PSME4: variants seen among roughly 807,000 people sequenced by gnomAD.
PSME4 encodes the protein proteasome activator subunit 4.
A neutral mutation model predicts 253.9 loss-of-function variants in PSME4; 89 were observed. The observed-to-expected ratio is 0.35, with a 90% CI of 0.30 to 0.42. The LOEUF is 0.42. Among genes scored for constraint, PSME4 ranks in the 10% least tolerant of loss-of-function variants. The pLI is 1.00. For missense variants in PSME4, 2,014 were observed against 2,195.2 expected, an observed-to-expected ratio of 0.92 and a Z score of 1.65; for synonymous variants, 851 against 759.2, an observed-to-expected ratio of 1.12 and a Z score of -1.99.
intron 1 of PSME4, among the ~76,000 whole-genome samples, chr2:53,965,250 T>G (rs1342480634): frequency 6.6e-6 from 1 of 150,474 alleles, no homozygotes; most frequent in Non-Finnish European, 1.5e-5. Flanking sequence ...CAAGTGATTT[T>G]TTTTTTTTTT....
intron 42 of PSME4, 142 bp from the exon 43 acceptor site, chr2:53,874,636 G>C (rs970144136): frequency 1.1e-5 from 10 of 881,462 alleles, no homozygotes; most frequent in Admixed American, 5.8e-5. Context: ...CTCATATTTC[G>C]TTATAAATAA....
chr2:53,869,662 G>A, intron 43 of PSME4, 124 bp from the exon 44 acceptor site: 1 of 687,892 alleles, frequency 1.5e-6, no homozygotes, highest in Non-Finnish European at 2.2e-6. Flanking sequence ...TTTTGTGTAT[G>A]CTCTTTGGCA....
intron 26 of PSME4, among the ~76,000 whole-genome samples, chr2:53,905,294 T>C (rs1680603565): frequency 6.6e-6 from 1 of 151,954 alleles, no homozygotes; most frequent in Non-Finnish European, 1.5e-5. Context: ...CCACCCACAG[T>C]GTTGGGATTA....
chr2:53,868,583 A>AT lies in PSME4; in HGVS notation c.5263+792dup, dbSNP rs1248344732. ...ATATATAATATATATTATAAAATAT[A>AT]TTTATAATATATATATAATATATAT... On this transcript the variant is annotated intron_variant, in intron 44 of 46. Coordinates refer to ENST00000404125, the MANE Select transcript of PSME4 (RefSeq NM_014614.3). Among the ~76,000 whole-genome samples the AT allele has an allele frequency of 2.6e-3, 347 of 134,118 alleles. 4 individuals are homozygous for AT. Among genetic ancestry groups the AT allele is most frequent in the East Asian group, 0.015 (75 of 4,920 alleles). The allele number at this position is 134,118 out of a possible 152,430, so 88.0% of individuals were successfully genotyped here.
chr2:53,927,355 G>A (rs1462448152), intron 12 of PSME4, 39 bp downstream of exon 12: 2 of 1,368,230 alleles, frequency 1.5e-6, no homozygotes, highest in South Asian at 2.4e-5. Flanking sequence ...ATAATAATTA[G>A]AACATCTTAG....
chr2:53,970,226 C>T (rs1670991105), intron 1 of PSME4, among the ~76,000 whole-genome samples: 1 of 152,194 alleles, frequency 6.6e-6, no homozygotes, highest in African/African-American at 2.4e-5. Context: ...AAAGGCTCAC[C>T]TCTCTCCCTC....
chr2:53,922,687 C>T (rs1668380762), intron 16 of PSME4, 103 bp from the exon 17 acceptor site: 1 of 1,344,118 alleles, frequency 7.4e-7, no homozygotes, highest in Non-Finnish European at 1.0e-6. Flanking sequence ...TGAGGAAAAC[C>T]TCTTTTAGGA....
intron 41 of PSME4, among the ~76,000 whole-genome samples, chr2:53,878,681 C>T (rs534082886): frequency 6.6e-6 from 1 of 152,272 alleles, no homozygotes; most frequent in Admixed American, 6.5e-5. Context: ...GGAAATAAGC[C>T]CCGGTCTCCC....
At position 53,874,395 on chromosome 2, in the gene PSME4, C is replaced by A; in HGVS notation, c.5044G>T (p.Ala1682Ser). ...ACCAGCCACCTGATATCTTTAACTG[C>A]ATCTTCATTGTTTAGGAAAATAAAG... ...NLFIFLNNED[A>S]VKDIRWLVIS... Residue 1682 changes from alanine to serine, a missense_variant, in exon 43 of 47, where the codon GCA (alanine) becomes TCA (serine). Ala to Ser is a moderately conservative substitution (Grantham distance 99, BLOSUM62 1). Coordinates refer to ENST00000404125, the MANE Select transcript of PSME4 (RefSeq NM_014614.3). The A allele has an allele frequency of 1.2e-6, 2 of 1,614,054 alleles. No homozygotes were observed. The highest frequency in any genetic ancestry group is 1.1e-5 in the South Asian group (1 of 91,080).
At position 53,866,094 on chromosome 2, in the gene PSME4, C is replaced by T. The variant is rs763574556; in HGVS notation, c.5527G>A (p.Ala1843Thr). ...AACTTTGCTGACTTACCTTTCTATG[C>T]ATAATAGCATGGTGACACAAGAAGA... ...TDLLVSPCYY[A>T] Residue 1843 changes from alanine to threonine, a missense_variant, in exon 46 of 47, where the codon GCA becomes ACA. Physicochemically the swap from Ala to Thr is moderately conservative, Grantham distance 58. This residue lies in a region of PSME4 where 403 missense variants were observed against 556.1 expected (regional missense o/e 0.72). Transcript: ENST00000404125. 1.2e-6 allele frequency: 2 copies of T among 1,611,716 alleles called. No homozygotes were observed. The highest frequency in any genetic ancestry group is 3.3e-5 in the Admixed American group (2 of 59,918).
intron 36 of PSME4, among the ~76,000 whole-genome samples, chr2:53,890,456 G>A (rs538158405): frequency 2.0e-5 from 3 of 152,204 alleles, no homozygotes; most frequent in South Asian, 2.1e-4. Context: ...ATAGGTGTGT[G>A]CCACTATGCC....
rs756684504 is a variant in PSME4, at chr2:53,869,507, C to G, written c.5132G>C (p.Gly1711Ala). The G allele has an allele frequency of 1.3e-6, 2 of 1,559,088 alleles. No individual in the cohort carries two copies. The highest frequency in any genetic ancestry group is 8.8e-7 in the Non-Finnish European group (1 of 1,141,622). The change falls in exon 44 of 47, where the codon GGT (glycine) becomes GCT (alanine). Residue 1711 changes from glycine (G) to alanine (A), a missense_variant. Gly to Ala is a moderately conservative substitution (Grantham distance 60). Around this residue, in one of 4 missense-constraint regions of PSME4, gnomAD observed 403 missense variants for 556.1 expected, o/e 0.72. Coordinates refer to ENST00000404125, the MANE Select transcript of PSME4 (RefSeq NM_014614.3). ...VREMAATTLSGLLQCNFLTMD... is the reference protein window; with the variant it reads ...VREMAATTLSALLQCNFLTMD... ...GGTAAGAAAGTTACACTGTAGCAGA[C>G]CGCTTAAGGTAGTAGCAGCCATTTC...
In PSME4 at chr2:53,906,708, G is replaced by A. The variant is rs186074282; in HGVS notation, c.2848-15C>T. ...AGTGTCCGTAGCTAAGAAAACAATC[G>A]CAAACATTTACTAAAATTTGATTAT... is the stretch of plus-strand genomic sequence containing the variant. On this transcript the variant is annotated splice_polypyrimidine_tract_variant and intron_variant, in intron 25 of 46. Coordinates refer to ENST00000404125, the MANE Select transcript of PSME4 (RefSeq NM_014614.3). The A allele has an allele frequency of 3.6e-5, 58 of 1,593,076 alleles. No homozygotes were observed. In the East Asian group the frequency reaches 7.2e-4, roughly 20 times the overall value.
chr2:53,874,239 T>C, intron 43 of PSME4, 100 bp downstream of exon 43: 2 of 1,215,900 alleles, frequency 1.6e-6, no homozygotes, highest in Non-Finnish European at 2.3e-6. Flanking sequence ...AGGTTATAAA[T>C]ATAAACAATT....
chr2:53,936,077 T>C lies in PSME4; in HGVS notation c.834+10A>G, dbSNP rs1489275016. 3.7e-6 allele frequency: 6 copies of C among 1,609,106 alleles called. No individual in the cohort carries two copies. In the Admixed American group the frequency reaches 5.1e-5, roughly 14 times the overall value. ...TGCCTGATAATTTTTTTCCCCAAAA[T>C]GTTAATTACCTTTGGTACATATGGA... On this transcript the variant is annotated intron_variant, in intron 7 of 46. Coordinates refer to ENST00000404125, the MANE Select transcript of PSME4 (RefSeq NM_014614.3).
rs766194608 is a variant in PSME4, at chr2:53,921,071, A to G, written c.2080T>C (p.Tyr694His). ...AGAATCTTTACAAGCTGCTCCCTAT[A>G]AAGAAGCAACTTCCTTCCATCCACT... ...TRVDGRKLLL[Y>H]REQLVKILQR... The change falls in exon 18 of 47, where the codon TAT (tyrosine) becomes CAT (histidine). Residue 694 changes from tyrosine to histidine, a missense_variant. Physicochemically the swap from Tyr to His is moderately conservative, Grantham distance 83. This residue lies in a region of PSME4 where 989 missense variants were observed against 1,021.1 expected (regional missense o/e 0.97). Coordinates refer to ENST00000404125, the MANE Select transcript of PSME4 (RefSeq NM_014614.3). 2 of 1,613,964 alleles carry G rather than the reference A, an allele frequency of 1.2e-6. No individual in the cohort carries two copies. Among genetic ancestry groups the G allele is most frequent in the South Asian group, 2.2e-5 (2 of 91,056 alleles).
chr2:53,906,437 C>T (rs1680662715), intron 26 of PSME4, among the ~76,000 whole-genome samples, 161 bp downstream of exon 26: 1 of 152,156 alleles, frequency 6.6e-6, no homozygotes, highest in Non-Finnish European at 1.5e-5. Flanking sequence ...GGTTTTATTA[C>T]TTCCTGGAGG....
At chr2:53,888,164 A>G in intron 38 of PSME4, 175 bp from the exon 39 acceptor site, 1 of 534,538 alleles carries the variant, frequency 1.9e-6, no homozygotes, top group Non-Finnish European at 2.9e-6. Context: ...TTTTTCCTAT[A>G]TCATTTTCTC....
chr2:53,872,570 G>C (rs551059042), intron 43 of PSME4, among the ~76,000 whole-genome samples: 5 of 151,082 alleles, frequency 3.3e-5, no homozygotes, highest in Admixed American at 1.3e-4. Context: ...GCAAAACCTT[G>C]CCTCTACAAA....
Sources: allele counts gnomAD v4.1 joint callset (sites outside exome capture counted in the v4.1 genomes callset), GRCh38; gene constraint gnomAD v4.1.1; regional missense constraint gnomAD v4.1.1; transcripts MANE v1.5; gene names NCBI Gene and HGNC (gene_info 2026-07-23, HGNC 2026-07-21).